ST6GALNAC5: variants seen among roughly 807,000 people sequenced by gnomAD.
The protein encoded by ST6GALNAC5 is alpha-N-acetylgalactosaminide alpha-2,6-sialyltransferase 5.
A neutral mutation model predicts 33.6 loss-of-function variants in ST6GALNAC5; 27 were observed. That is an observed-to-expected ratio of 0.80 (90% CI 0.59 to 1.11). The LOEUF (loss-of-function observed/expected upper bound fraction) is 1.11. Among genes scored for constraint, ST6GALNAC5 ranks in the 50% least tolerant of loss-of-function variants. The pLI, the probability that ST6GALNAC5 is intolerant of heterozygous loss-of-function variation, is 0.00. For synonymous variants in ST6GALNAC5, 194 were observed against 171.2 expected (o/e 1.13, Z -1.04); for missense variants, 428 against 454.0 (o/e 0.94, Z 0.52).
rs190421754 is a variant in ST6GALNAC5 at position 76,940,153 on chromosome 1, T to A, written c.261+71411T>A. On this transcript the variant is annotated intron_variant, in intron 2 of 4. Coordinates refer to ENST00000477717, the MANE Select transcript of ST6GALNAC5 (RefSeq NM_030965.3). ...TTAATTATGAGTGTTTAATAAACGC[T>A]ATAATTACTGGACACGACTCTAAGT... Among the ~76,000 whole-genome samples, 265 of 152,190 alleles carry A rather than the reference T, an allele frequency of 1.7e-3. 4 individuals are homozygous for A. The highest frequency in any genetic ancestry group is 6.0e-3 in the African/African-American group (251 of 41,556).
At chr1:77,041,860 G>T (rs1055908456) in intron 2 of ST6GALNAC5, among the ~76,000 whole-genome samples, 5 of 152,224 alleles carry the variant, frequency 3.3e-5, no homozygotes, top group African/African-American at 1.2e-4. Context: ...ACTGAGCCCA[G>T]TGCCCTCAGA....
chr1:76,921,852 C>A (rs1647037435), intron 2 of ST6GALNAC5, among the ~76,000 whole-genome samples: 2 of 151,888 alleles, frequency 1.3e-5, no homozygotes, highest in South Asian at 2.1e-4. Flanking sequence ...GAGAAGGGAA[C>A]CTACTCAACT....
At chr1:76,979,707 A>C (rs1345169145) in intron 2 of ST6GALNAC5, among the ~76,000 whole-genome samples, 1 of 152,240 alleles carries the variant, frequency 6.6e-6, no homozygotes, top group Non-Finnish European at 1.5e-5. Flanking sequence ...CGGGCAGATC[A>C]CCTGAGATCA....
At chr1:76,943,016 A>G (rs1647391851) in intron 2 of ST6GALNAC5, among the ~76,000 whole-genome samples, 1 of 152,130 alleles carries the variant, frequency 6.6e-6, no homozygotes, top group Non-Finnish European at 1.5e-5. Flanking sequence ...AAGAGTGGAA[A>G]TTGTCACTCA....
At chr1:77,049,197 TAGAC>T (rs778991098) in intron 3 of ST6GALNAC5, among the ~76,000 whole-genome samples, 1 of 152,124 alleles carries the variant, frequency 6.6e-6, no homozygotes. Flanking sequence ...TGCAAACTGA[TAGAC>T]AGAAGGTTTT....
chr1:76,948,839 A>G (rs1248619018), intron 2 of ST6GALNAC5, among the ~76,000 whole-genome samples: 2 of 152,140 alleles, frequency 1.3e-5, no homozygotes, highest in Non-Finnish European at 2.9e-5. Context: ...CTCATTTCTT[A>G]AAGTATAACT....
At chr1:76,933,113 G>C (rs1647161332) in intron 2 of ST6GALNAC5, among the ~76,000 whole-genome samples, 2 of 151,964 alleles carry the variant, frequency 1.3e-5, no homozygotes. Context: ...CATGAAACTG[G>C]AATTTTTGTC....
chr1:76,889,261 C>A (rs1653964004), intron 2 of ST6GALNAC5, among the ~76,000 whole-genome samples: 3 of 152,042 alleles, frequency 2.0e-5, no homozygotes, highest in African/African-American at 7.2e-5. Flanking sequence ...TTCTATTAAG[C>A]CTTCCAAATT....
intron 2 of ST6GALNAC5, among the ~76,000 whole-genome samples, chr1:76,913,918 C>T (rs967207541): frequency 2.8e-4 from 43 of 152,154 alleles, no homozygotes; most frequent in African/African-American, 5.5e-4. Context: ...TGTTTGCAGA[C>T]GACATGATTG....
intron 2 of ST6GALNAC5, among the ~76,000 whole-genome samples, chr1:76,900,608 G>A (rs866161715): frequency 2.0e-5 from 3 of 152,140 alleles, no homozygotes; most frequent in Non-Finnish European, 1.5e-5. Context: ...TTGATACCTA[G>A]TCAAAGCAGT....
At chr1:76,901,249 A>G (rs1403064921) in intron 2 of ST6GALNAC5, among the ~76,000 whole-genome samples, 1 of 152,214 alleles carries the variant, frequency 6.6e-6, no homozygotes, top group African/African-American at 2.4e-5. Flanking sequence ...TCACCAATGT[A>G]TTTTCCGTAC....
At position 77,047,778 on chromosome 1, in the gene ST6GALNAC5, T is replaced by C. The variant is rs139269945; in HGVS notation, c.672-2480T>C. ...TCCATAGAGATTATAAATGAGATTC[T>C]GGTGGAGCAGAAAGGCCCTTAATTG... On this transcript the variant is annotated intron_variant, in intron 3 of 4. Transcript: ENST00000477717. 7.6e-4 allele frequency among the ~76,000 whole-genome samples: 116 copies of C among 152,312 alleles called. 2 individuals carry two copies. In the East Asian group the frequency reaches 0.021, roughly 28 times the overall value.
intron 2 of ST6GALNAC5, among the ~76,000 whole-genome samples, chr1:77,001,345 A>T (rs34662304): frequency 0.3 from 33,998 of 113,568 alleles, 5,984 homozygotes; most frequent in East Asian, 0.45. Flanking sequence ...TTGATTTTGT[A>T]TCCTGAGACT....
chr1:76,972,913 G>T (rs1648821353), intron 2 of ST6GALNAC5, among the ~76,000 whole-genome samples: 1 of 152,014 alleles, frequency 6.6e-6, no homozygotes, highest in Non-Finnish European at 1.5e-5. Flanking sequence ...ATGAGTGACA[G>T]TGATCATATT....
chr1:76,949,628 T>C (rs1217997170), intron 2 of ST6GALNAC5, among the ~76,000 whole-genome samples: 1 of 152,088 alleles, frequency 6.6e-6, no homozygotes, highest in Non-Finnish European at 1.5e-5. Context: ...TGTTCCTGCC[T>C]CTGTAATTGA....
chr1:76,986,732 AT>A (rs1450903620), intron 2 of ST6GALNAC5, among the ~76,000 whole-genome samples: 1 of 152,220 alleles, frequency 6.6e-6, no homozygotes. Flanking sequence ...TTGTGGCACT[AT>A]TCACAATATC....
intron 2 of ST6GALNAC5, among the ~76,000 whole-genome samples, chr1:76,979,387 G>T (rs866294703): frequency 6.6e-6 from 1 of 152,066 alleles, no homozygotes; most frequent in African/African-American, 2.4e-5. Flanking sequence ...ACACTACAAG[G>T]CTATAGTAAT....
intron 2 of ST6GALNAC5, among the ~76,000 whole-genome samples, chr1:76,888,239 C>T (rs188449037): frequency 2.0e-5 from 3 of 151,720 alleles, no homozygotes; most frequent in Non-Finnish European, 2.9e-5. Flanking sequence ...ATGCATCACC[C>T]GGAGAAGCTT....
chr1:76,910,458 CAGAGA>C (rs763654617), intron 2 of ST6GALNAC5, among the ~76,000 whole-genome samples: 67 of 151,914 alleles, frequency 4.4e-4, no homozygotes, highest in Non-Finnish European at 7.4e-4. Context: ...ACTGATTGCC[CAGAGA>C]AATCAACCAA....
Sources: gnomAD v4.1 joint callset for allele counts (sites outside exome capture counted in the v4.1 genomes callset) on GRCh38, gnomAD v4.1.1 for gene constraint, MANE v1.5 for transcripts, NCBI Gene and HGNC (gene_info 2026-07-23, HGNC 2026-07-21) for gene names.